UNC79: variants seen among roughly 807,000 people sequenced by gnomAD.
UNC79 encodes the protein unc-79 subunit of NALCN channel complex, also known as protein unc-79 homolog.
UNC79 carries 37 observed loss-of-function variants against 283.1 expected under a neutral mutation model. That is an observed-to-expected ratio of 0.13 (90% CI 0.10 to 0.17). UNC79 has a LOEUF of 0.17. Ranked by LOEUF, UNC79 falls within the 10% of genes least tolerant of loss-of-function variation. The probability of loss-of-function intolerance (pLI) is 1.00; values close to 1 mark genes in which losing one functional copy is unlikely to be tolerated. For missense variants in UNC79, 2,272 were observed against 3,211.1 expected, an observed-to-expected ratio of 0.71 and a Z score of 7.07; for synonymous variants, 1,107 against 1,200.2, an observed-to-expected ratio of 0.92 and a Z score of 1.61.
intron 7 of UNC79, among the ~76,000 whole-genome samples, chr14:93,510,283 T>A (rs558492172): frequency 6.6e-6 from 1 of 152,184 alleles, no homozygotes. Context: ...TTCAAGAAAT[T>A]TTCCCCATTG....
intron 1 of UNC79, among the ~76,000 whole-genome samples, chr14:93,367,024 T>C (rs2054350333): frequency 6.6e-6 from 1 of 152,162 alleles, no homozygotes; most frequent in Non-Finnish European, 1.5e-5. Context: ...AGACATCTAT[T>C]TTTTTCCCAC....
At chr14:93,602,992 G>T (rs1278537265) in intron 25 of UNC79, among the ~76,000 whole-genome samples, 2 of 152,042 alleles carry the variant, frequency 1.3e-5, no homozygotes, top group East Asian at 3.9e-4. Context: ...GTGGAGAAAA[G>T]ACTTTTGTCA....
intron 41 of UNC79, among the ~76,000 whole-genome samples, chr14:93,682,021 G>C (rs1160189740): frequency 2.0e-5 from 3 of 152,188 alleles, no homozygotes; most frequent in African/African-American, 7.2e-5. Flanking sequence ...TTGAGAAATG[G>C]ACCCATAAGT....
intron 7 of UNC79, among the ~76,000 whole-genome samples, chr14:93,513,608 A>G (rs566131002): frequency 6.6e-6 from 1 of 152,236 alleles, no homozygotes; most frequent in African/African-American, 2.4e-5. Flanking sequence ...TGTAATGATC[A>G]AGTCATGGTA....
chr14:93,333,240 G>A (rs1339315116), exon 1 of UNC79: 1 of 401,828 alleles, frequency 2.5e-6, no homozygotes, highest in Non-Finnish European at 4.4e-6. Flanking sequence ...TCGGCTGGGA[G>A]CCGGGCGTCG....
rs761493691 is a variant in UNC79, at chr14:93,474,044, C to T, written c.144-45C>T. On this transcript the variant is annotated intron_variant, in intron 2 of 48. Coordinates refer to ENST00000555664, the Ensembl canonical transcript of UNC79. This position sits in a 1 kb window ranked among gnomAD's most constrained non-coding sequence, Gnocchi z 4.1. Reference sequence around the variant, plus strand: ...TGTCATTTCAATGTAATGTGCTGTTCTTTGTGTCTTTGTTGTCTCTTTTTT... The same window carrying T: ...TGTCATTTCAATGTAATGTGCTGTTTTTTGTGTCTTTGTTGTCTCTTTTTT... 1.3e-6 allele frequency: 2 copies of T among 1,487,430 alleles called. No homozygotes were observed. The highest frequency in any genetic ancestry group is 8.9e-7 in the Non-Finnish European group (1 of 1,120,920). The allele number at this position is 1,487,430 out of a possible 1,614,324, so 92.1% of individuals were successfully genotyped here. A position where few individuals can be genotyped will look rare whatever the true frequency, so the allele number is the denominator to read the frequency against.
chr14:93,620,224 G>A (rs1317697652), intron 29 of UNC79, among the ~76,000 whole-genome samples: 1 of 152,168 alleles, frequency 6.6e-6, no homozygotes, highest in Admixed American at 6.5e-5. Flanking sequence ...ACTTTAATAG[G>A]AGGAAATGTT....
rs542676433 is a variant in UNC79, at chr14:93,572,093, G to C, written c.1946+9G>C. ...TTCAGGGAAGTATTAAGGTGGGTAA[G>C]TAGTTTAATGAAGTCACTGTAATTA... On this transcript the variant is annotated intron_variant, in intron 15 of 48. Coordinates refer to ENST00000555664, the Ensembl canonical transcript of UNC79. The C allele has an allele frequency of 5.3e-5, 85 of 1,612,188 alleles. No homozygotes were observed. The highest frequency in any genetic ancestry group is 7.0e-5 in the Non-Finnish European group (83 of 1,179,560).
chr14:93,355,489 A>G (rs1213010765), intron 1 of UNC79, among the ~76,000 whole-genome samples: 1 of 151,906 alleles, frequency 6.6e-6, no homozygotes, highest in Non-Finnish European at 1.5e-5. Flanking sequence ...GAGCCACTGC[A>G]CCCAGCCAGT....
chr14:93,345,147 G>C (rs950841987), intron 1 of UNC79, among the ~76,000 whole-genome samples: 2 of 152,096 alleles, frequency 1.3e-5, no homozygotes, highest in African/African-American at 4.8e-5. Context: ...TCCATCATAC[G>C]AGGACACAAC....
chr14:93,347,446 G>A, intron 1 of UNC79: 7 of 1,402,660 alleles, frequency 5.0e-6, no homozygotes, highest in Non-Finnish European at 6.5e-6. Context: ...GGCCCTGGCG[G>A]GGCGCCCCGA....
At chr14:93,375,438 T>C (rs1300762425) in intron 1 of UNC79, among the ~76,000 whole-genome samples, 1 of 152,238 alleles carries the variant, frequency 6.6e-6, no homozygotes, top group African/African-American at 2.4e-5. Flanking sequence ...ATGTATGGAT[T>C]AATCCACCCA....
chr14:93,364,110 T>TA (rs1239658244), intron 1 of UNC79, among the ~76,000 whole-genome samples: 1 of 152,178 alleles, frequency 6.6e-6, no homozygotes, highest in Non-Finnish European at 1.5e-5. Flanking sequence ...AAAACCTTTT[T>TA]AGTTGAAGTA....
intron 30 of UNC79, among the ~76,000 whole-genome samples, chr14:93,627,667 T>A (rs996768119): frequency 2.6e-5 from 4 of 152,312 alleles, no homozygotes; most frequent in Middle Eastern, 6.8e-3. Flanking sequence ...TGAACCAAAG[T>A]CAAGAGGGGA....
chr14:93,699,980 T>G (rs180879571), intron 47 of UNC79, among the ~76,000 whole-genome samples: 5 of 152,306 alleles, frequency 3.3e-5, no homozygotes, highest in Admixed American at 2.6e-4. Flanking sequence ...GATTAATTGT[T>G]TTAGGTTTTG....
At chr14:93,400,466 G>A (rs976792884) in intron 1 of UNC79, among the ~76,000 whole-genome samples, 7 of 152,264 alleles carry the variant, frequency 4.6e-5, no homozygotes, top group African/African-American at 1.4e-4. Flanking sequence ...CCACATGAAT[G>A]GTTCAGGAAA....
chr14:93,675,479 A>C (rs1312551386), intron 41 of UNC79, among the ~76,000 whole-genome samples: 2 of 152,206 alleles, frequency 1.3e-5, no homozygotes, highest in Non-Finnish European at 1.5e-5. Flanking sequence ...ATTCCCACAT[A>C]GTGCAACGGG....
chr14:93,346,953 AAG>A (rs151248800), intron 1 of UNC79, among the ~76,000 whole-genome samples: 2,974 of 151,822 alleles, frequency 0.02, 87 homozygotes, highest in African/African-American at 0.069. Context: ...TACTGAACTG[AAG>A]AGAGTGGAGC....
At chr14:93,333,583 T>G (rs964009592) in intron 1 of UNC79, 2 of 395,484 alleles carry the variant, frequency 5.1e-6, no homozygotes, top group African/African-American at 4.1e-5. Context: ...TGTAGTAGGT[T>G]AAAAAATAAT....
Sources: allele counts gnomAD v4.1 joint callset (sites outside exome capture counted in the v4.1 genomes callset), GRCh38; gene constraint gnomAD v4.1.1; non-coding constraint Gnocchi (gnomAD v3.1); transcripts MANE v1.5; gene names NCBI Gene and HGNC (gene_info 2026-07-23, HGNC 2026-07-21).